The following GRIP1 variants were observed in gnomAD, a reference collection of about 807,000 sequenced individuals.
GRIP1 encodes glutamate receptor interacting protein 1, also known as glutamate receptor-interacting protein 1.
Under a neutral mutation model 129.9 loss-of-function variants are expected in GRIP1, and 45 were observed. The ratio of observed to expected loss-of-function variants is 0.35; its 90% CI spans 0.27 to 0.44. The LOEUF (loss-of-function observed/expected upper bound fraction) is 0.44. Ranked by LOEUF, GRIP1 falls within the 20% of genes least tolerant of loss-of-function variation. The probability of loss-of-function intolerance (pLI) is 1.00; values close to 1 mark genes in which losing one functional copy is unlikely to be tolerated. For synonymous variants in GRIP1, 530 were observed against 520.8 expected, an observed-to-expected ratio of 1.02 and a Z score of -0.24; for missense variants, 1,196 against 1,396.8, an observed-to-expected ratio of 0.86 and a Z score of 2.29.
At chr12:66,518,042 C>A in intron 5 of GRIP1, 66 bp from the exon 6 acceptor site, 1 of 894,052 alleles carries the variant, frequency 1.1e-6, no homozygotes, top group Non-Finnish European at 1.9e-6. Context: ...AAATCACCTA[C>A]AAGATATCAG....
At chr12:66,525,466 G>A (rs1308721349) in intron 5 of GRIP1, among the ~76,000 whole-genome samples, 1 of 152,094 alleles carries the variant, frequency 6.6e-6, no homozygotes, top group African/African-American at 2.4e-5. Flanking sequence ...AAAGGCCTTT[G>A]ACAAAATTCA....
chr12:66,535,269 CAA>C (rs962890663), intron 4 of GRIP1, among the ~76,000 whole-genome samples: 14 of 151,828 alleles, frequency 9.2e-5, no homozygotes, highest in African/African-American at 3.4e-4. Context: ...GATGTATAAT[CAA>C]AGAGCATTAG....
intron 23 of GRIP1, among the ~76,000 whole-genome samples, chr12:66,361,162 T>C (rs2054740727): frequency 6.6e-6 from 1 of 152,200 alleles, no homozygotes; most frequent in South Asian, 2.1e-4. Context: ...TCTCAGTTTA[T>C]ACTACTAGAA....
chr12:66,933,879 C>T (rs956400678), intron 1 of GRIP1, among the ~76,000 whole-genome samples: 8 of 152,166 alleles, frequency 5.3e-5, no homozygotes. Flanking sequence ...TAATAGTACT[C>T]AGGGAACCCT....
chr12:66,828,849 T>C (rs529255770), intron 1 of GRIP1, among the ~76,000 whole-genome samples: 1 of 152,348 alleles, frequency 6.6e-6, no homozygotes, highest in East Asian at 1.9e-4. Context: ...ATTTAACTTA[T>C]GTTTATTTTT....
chr12:66,960,393 A>C (rs2041905533), intron 1 of GRIP1, among the ~76,000 whole-genome samples: 1 of 152,192 alleles, frequency 6.6e-6, no homozygotes, highest in Non-Finnish European at 1.5e-5. Context: ...CATGGAGTGA[A>C]GGAGACAGGT....
rs555583445 is a variant in GRIP1 at position 66,469,892 on chromosome 12, C to T, written c.725-4470G>A. ...CAAACTGAAGAGTGAGACCACCCTA[C>T]TCCACTGCTTCTGCAGGTTTCCTTC... On this transcript the variant is annotated intron_variant, in intron 7 of 24. Transcript: ENST00000359742. Among the ~76,000 whole-genome samples, 4 of 152,302 alleles carry T rather than the reference C, an allele frequency of 2.6e-5. No homozygotes were observed. The South Asian group carries it at 8.3e-4, about 32-fold the overall frequency.
chr12:66,742,772 T>TGA (rs1218385030), intron 1 of GRIP1, among the ~76,000 whole-genome samples: 1 of 152,000 alleles, frequency 6.6e-6, no homozygotes, highest in African/African-American at 2.4e-5. Flanking sequence ...AAAGGGCAAA[T>TGA]GAGACATGAT....
At chr12:66,776,905 T>G (rs75836606) in intron 1 of GRIP1, among the ~76,000 whole-genome samples, 11,074 of 152,230 alleles carry the variant, frequency 0.073, 566 homozygotes, top group East Asian at 0.18. Flanking sequence ...AAATTAAAAA[T>G]AGACATTGTA....
At chr12:66,748,771 T>A (rs2037032689) in intron 1 of GRIP1, among the ~76,000 whole-genome samples, 1 of 152,216 alleles carries the variant, frequency 6.6e-6, no homozygotes, top group Non-Finnish European at 1.5e-5. Context: ...CTGAAAAGAT[T>A]GAGTTTATCT....
intron 1 of GRIP1, among the ~76,000 whole-genome samples, chr12:66,831,167 T>C (rs1257803779): frequency 6.6e-6 from 1 of 152,220 alleles, no homozygotes; most frequent in Non-Finnish European, 1.5e-5. Context: ...TCAGGAACCA[T>C]CTGAAACTAT....
chr12:66,605,572 G>A (rs1200166954), intron 1 of GRIP1, among the ~76,000 whole-genome samples: 4 of 152,108 alleles, frequency 2.6e-5, no homozygotes, highest in East Asian at 3.9e-4. Context: ...TCTGTGGGGC[G>A]GAGCATTCCT....
chr12:66,481,557 T>A (rs893844943), intron 7 of GRIP1, among the ~76,000 whole-genome samples: 2 of 152,098 alleles, frequency 1.3e-5, no homozygotes, highest in Non-Finnish European at 2.9e-5. Flanking sequence ...TCAAGGATCT[T>A]GAACCAAAAA....
chr12:66,401,590 AT>A (rs1188546025), intron 16 of GRIP1, among the ~76,000 whole-genome samples: 12 of 45,044 alleles, frequency 2.7e-4, no homozygotes, highest in Admixed American at 1.0e-3. Flanking sequence ...AAAAAAAAAA[AT>A]ATGTGTGTAT....
intron 1 of GRIP1, among the ~76,000 whole-genome samples, chr12:66,986,039 CT>C (rs749990667): frequency 3.3e-5 from 5 of 152,166 alleles, no homozygotes; most frequent in South Asian, 2.1e-4. Context: ...TGCCCTGCCC[CT>C]AATGGACCTA....
At chr12:66,490,051 T>C (rs992575358) in intron 7 of GRIP1, among the ~76,000 whole-genome samples, 2 of 152,206 alleles carry the variant, frequency 1.3e-5, no homozygotes, top group African/African-American at 2.4e-5. Flanking sequence ...ATGGCCATAC[T>C]GCCCACAGTA....
Position 66,444,860 on chromosome 12 carries a change from C to T in GRIP1, c.1542-131G>A, listed in dbSNP as rs1300605604. 4.6e-6 allele frequency: 4 copies of T among 873,592 alleles called. No individual in the cohort carries two copies. In the African/African-American group the frequency reaches 5.0e-5, roughly 11 times the overall value. The allele number at this position is 873,592 out of a possible 1,614,324, so 54.1% of individuals were successfully genotyped here. ...GGTCTTGCTTATTCAATGCTGTGGG[C>T]ATCATATAGGTCAAATTCAACGTCG... On this transcript the variant is annotated intron_variant, in intron 12 of 24. Transcript: ENST00000359742.
At chr12:66,792,742 C>G (rs1166471802) in intron 1 of GRIP1, among the ~76,000 whole-genome samples, 3 of 151,966 alleles carry the variant, frequency 2.0e-5, no homozygotes, top group Non-Finnish European at 2.9e-5. Flanking sequence ...AAAACAAAAC[C>G]TTCTAAATGA....
chr12:66,445,793 G>A (rs1442260376), intron 11 of GRIP1, among the ~76,000 whole-genome samples: 3 of 152,082 alleles, frequency 2.0e-5, no homozygotes, highest in African/African-American at 7.2e-5. Flanking sequence ...AGGTTACATG[G>A]GTTTTAGTCC....
Sources: gnomAD v4.1 joint callset for allele counts (sites outside exome capture counted in the v4.1 genomes callset) on GRCh38, gnomAD v4.1.1 for gene constraint, MANE v1.5 for transcripts, NCBI Gene and HGNC (gene_info 2026-07-23, HGNC 2026-07-21) for gene names.